The following WAC variants were observed in gnomAD, a reference collection of about 807,000 sequenced individuals.
WAC encodes the protein WW domain containing adaptor with coiled-coil, also known as WW domain-containing adapter protein with coiled-coil.
Under a neutral mutation model 79.6 loss-of-function variants are expected in WAC, and 11 were observed. That is an observed-to-expected ratio of 0.14 (90% confidence interval 0.09 to 0.23). The LOEUF is 0.23. Among genes scored for constraint, WAC ranks in the 10% least tolerant of loss-of-function variants. WAC has a pLI of 1.00. For synonymous variants in WAC, 304 were observed against 276.9 expected (o/e 1.10, Z -0.97); for missense variants, 728 against 773.5 (o/e 0.94, Z 0.70).
In WAC at chr10:28,616,181, G is replaced by T; in HGVS notation, c.1565G>T (p.Arg522Ile). Residue 522 changes from arginine (R) to isoleucine (I), a missense_variant, in exon 12 of 14, where the codon AGA (arginine) becomes ATA (isoleucine). By Grantham distance (97) the Arg-to-Ile change is moderately conservative. This residue lies in a region of WAC where 648 missense variants were observed against 661.5 expected (regional missense o/e 0.98). Coordinates refer to ENST00000354911, the MANE Select transcript of WAC (RefSeq NM_016628.5). Reference sequence around the variant, plus strand: ...TCAATTCTGTTTTCTAGTAGCCAGAGAAGTCCATCACCTGGTCCCAATCAT... The same window carrying T: ...TCAATTCTGTTTTCTAGTAGCCAGATAAGTCCATCACCTGGTCCCAATCAT... ...PRSLQRSSSQ[R>I]SPSPGPNHTS... The T allele has an allele frequency of 6.3e-7, 1 of 1,592,836 alleles. No homozygotes were observed. Among genetic ancestry groups the T allele is most frequent in the Non-Finnish European group, 8.6e-7 (1 of 1,166,312 alleles).
Position 28,583,443 on chromosome 10 carries a change from C to T in WAC, c.319C>T (p.Leu107Phe). The change falls in exon 4 of 14, where the codon CTT becomes TTT. Residue 107 changes from leucine (L) to phenylalanine (F), a missense_variant. By Grantham distance (22) the Leu-to-Phe change is conservative. Coordinates refer to ENST00000354911, the MANE Select transcript of WAC (RefSeq NM_016628.5). ...AGAAAATTCACACAACCACAGTGCT[C>T]TTCATAGTTCAAATTCACATTCTTC... ...PQENSHNHSA[L>F]HSSNSHSSNP... 3.8e-6 allele frequency: 6 copies of T among 1,597,940 alleles called. No homozygotes were observed. The highest frequency in any genetic ancestry group is 2.3e-5 in the South Asian group (2 of 87,998).
chr10:28,579,878 G>A (rs545180028), intron 3 of WAC, among the ~76,000 whole-genome samples: 1 of 152,208 alleles, frequency 6.6e-6, no homozygotes, highest in Non-Finnish European at 1.5e-5. Flanking sequence ...CTACCTTCAG[G>A]TCCAAAGGGC....
At chr10:28,561,781 G>A (rs913740898) in intron 3 of WAC, among the ~76,000 whole-genome samples, 5 of 152,108 alleles carry the variant, frequency 3.3e-5, no homozygotes, top group East Asian at 1.9e-4. Flanking sequence ...GATCAGCCAC[G>A]GCATTAGATT....
intron 11 of WAC, 174 bp from the exon 12 acceptor site, chr10:28,615,997 TTG>T (rs1226271219): frequency 2.0e-6 from 1 of 497,890 alleles, no homozygotes; most frequent in African/African-American, 1.9e-5. Context: ...CTAAAGTGTT[TTG>T]AGGAATCATA....
chr10:28,603,945 ATATATATGTATGTATGT>A (rs1234749575), intron 7 of WAC, among the ~76,000 whole-genome samples: 7,758 of 24,926 alleles, frequency 0.31, 1,174 homozygotes, highest in South Asian at 0.4. Context: ...AAAAAAAAAT[ATATATATGTATGTATGT>A]ATATATATAT....
chr10:28,603,978 T>A (rs376354226), intron 7 of WAC, among the ~76,000 whole-genome samples: 2 of 55,464 alleles, frequency 3.6e-5, no homozygotes, highest in African/African-American at 1.6e-4. Flanking sequence ...TATATATATA[T>A]ATATATATAT....
chr10:28,536,067 C>T (rs927330089), intron 3 of WAC: 1 of 166,792 alleles, frequency 6.0e-6, no homozygotes, highest in African/African-American at 2.4e-5. Context: ...CAGGTGAAAA[C>T]CCATCTCTAC....
chr10:28,587,648 A>G (rs967583599), intron 4 of WAC, among the ~76,000 whole-genome samples: 3 of 152,236 alleles, frequency 2.0e-5, no homozygotes, highest in Admixed American at 1.3e-4. Flanking sequence ...GCTATTGCAC[A>G]TCGGCATTGT....
chr10:28,558,623 A>AT (rs1838128840), intron 3 of WAC, among the ~76,000 whole-genome samples: 1 of 152,304 alleles, frequency 6.6e-6, no homozygotes, highest in African/African-American at 2.4e-5. Flanking sequence ...AAAATTTTCT[A>AT]TTTTTTATGT....
intron 3 of WAC, among the ~76,000 whole-genome samples, chr10:28,541,971 G>A (rs1195588046): frequency 5.9e-5 from 9 of 152,062 alleles, no homozygotes; most frequent in Admixed American, 5.9e-4. Flanking sequence ...CAAGCTCACG[G>A]CCCTCCAGTG....
chr10:28,547,423 T>C (rs925786301), intron 3 of WAC, among the ~76,000 whole-genome samples: 2 of 151,890 alleles, frequency 1.3e-5, no homozygotes, highest in African/African-American at 4.8e-5. Flanking sequence ...TAATCCCAGC[T>C]ACCTGGGAGG....
At position 28,611,710 on chromosome 10, in the gene WAC, A is replaced by G. The variant is rs1451733874; in HGVS notation, c.1289-64A>G. The G allele has an allele frequency of 3.8e-6, 6 of 1,577,082 alleles. No individual in the cohort carries two copies. In the Admixed American group the frequency reaches 7.2e-5, roughly 19 times the overall value. On this transcript the variant is annotated intron_variant, in intron 9 of 13. Transcript: ENST00000354911. ...AAATATCTTTGCCACATATATTACAAAGGACTTTAGTTTTTTGTTTTGTTT... is the reference window on the plus strand; with the variant it reads ...AAATATCTTTGCCACATATATTACAGAGGACTTTAGTTTTTTGTTTTGTTT...
chr10:28,612,053 T>C (rs1461650537), intron 10 of WAC, 131 bp downstream of exon 10: 1 of 1,121,570 alleles, frequency 8.9e-7, no homozygotes, highest in Non-Finnish European at 1.3e-6. Flanking sequence ...ACAGGTATGA[T>C]AGTAGATGCA....
At position 28,590,836 on chromosome 10, in the gene WAC, A is replaced by T. The variant is rs1349534587; in HGVS notation, c.610+4A>T. Reference sequence around the variant, plus strand: ...ACTAGTGGGTTTGCCAGTGGAAGTAAGTATTAATTTTTTTTCTTTGAAATG... The same window carrying T: ...ACTAGTGGGTTTGCCAGTGGAAGTATGTATTAATTTTTTTTCTTTGAAATG... On this transcript the variant is annotated splice_donor_region_variant and intron_variant, in intron 6 of 13. Coordinates refer to ENST00000354911, the MANE Select transcript of WAC (RefSeq NM_016628.5). 5.6e-6 allele frequency: 9 copies of T among 1,602,166 alleles called. No individual in the cohort carries two copies. Among genetic ancestry groups the T allele is most frequent in the Non-Finnish European group, 7.7e-6 (9 of 1,174,656 alleles).
chr10:28,532,825 C>G (rs1379001175), upstream of WAC: 2 of 152,944 alleles, frequency 1.3e-5, no homozygotes, highest in Non-Finnish European at 2.9e-5. Flanking sequence ...TTCCGGAAGG[C>G]GGCTCCCTCC....
At chr10:28,618,576 A>T (rs189569277) in intron 13 of WAC, among the ~76,000 whole-genome samples, 1 of 152,346 alleles carries the variant, frequency 6.6e-6, no homozygotes, top group East Asian at 1.9e-4. Flanking sequence ...ACTTTTGGGA[A>T]ATTATTCATT....
chr10:28,563,589 TG>T (rs765646218), intron 3 of WAC, among the ~76,000 whole-genome samples: 6 of 152,006 alleles, frequency 3.9e-5, no homozygotes, highest in Non-Finnish European at 8.8e-5. Flanking sequence ...TTTTTGTTTT[TG>T]TTTTTTTGAG....
intron 3 of WAC, among the ~76,000 whole-genome samples, chr10:28,579,230 G>A (rs1420506283): frequency 1.3e-5 from 2 of 149,576 alleles, no homozygotes; most frequent in South Asian, 2.1e-4. Flanking sequence ...TATACACAGT[G>A]CATAAAGGTA....
chr10:28,539,161 T>C (rs746817459), intron 3 of WAC, among the ~76,000 whole-genome samples: 8 of 152,204 alleles, frequency 5.3e-5, no homozygotes, highest in Non-Finnish European at 1.0e-4. Context: ...GATTAGGCTT[T>C]ACTGGCATCA....
Sources: allele counts gnomAD v4.1 joint callset (sites outside exome capture counted in the v4.1 genomes callset), GRCh38; gene constraint gnomAD v4.1.1; regional missense constraint gnomAD v4.1.1; transcripts MANE v1.5; gene names NCBI Gene and HGNC (gene_info 2026-07-23, HGNC 2026-07-21).